MACF1: variants seen among roughly 807,000 people sequenced by gnomAD.
The protein encoded by MACF1 is microtubule-actin cross-linking factor 1.
Under a neutral mutation model 854.8 loss-of-function variants are expected in MACF1, and 193 were observed. That is an observed-to-expected ratio of 0.23 (90% CI 0.20 to 0.25). The LOEUF (loss-of-function observed/expected upper bound fraction) is 0.25, where lower values mean the gene tolerates loss of function less well. Ranked by LOEUF, MACF1 falls within the 10% of genes least tolerant of loss-of-function variation. MACF1 has a pLI of 1.00. For missense variants in MACF1, 7,722 were observed against 8,929.1 expected, an observed-to-expected ratio of 0.86 and a Z score of 5.45; for synonymous variants, 3,185 against 3,226.7, an observed-to-expected ratio of 0.99 and a Z score of 0.44.
chr1:39,102,891 T>C (rs1642129157), intron 2 of MACF1: 4 of 702,390 alleles, frequency 5.7e-6, no homozygotes, highest in African/African-American at 5.2e-5. Context: ...CTCCCCTTCA[T>C]AGACTTCCTT....
chr1:39,463,782 C>A, intron 94 of MACF1, 96 bp downstream of exon 94: 1 of 1,074,486 alleles, frequency 9.3e-7, no homozygotes, highest in Non-Finnish European at 1.4e-6. Flanking sequence ...CAGAGCCCAT[C>A]GGACTTGAGA....
chr1:39,101,458 G>A (rs985782372), intron 2 of MACF1, among the ~76,000 whole-genome samples: 13 of 151,348 alleles, frequency 8.6e-5, no homozygotes, highest in African/African-American at 2.7e-4. Flanking sequence ...TGAACTCCTG[G>A]GCTCAAGCAA....
intron 41 of MACF1, 128 bp downstream of exon 41, chr1:39,347,338 A>C: frequency 1.4e-6 from 1 of 718,834 alleles, no homozygotes; most frequent in South Asian, 1.6e-5. Flanking sequence ...ATTTCATGTC[A>C]TGCAGGCCAG....
At chr1:39,477,133 T>TACACACACACACAC (rs1243959585) in intron 97 of MACF1, among the ~76,000 whole-genome samples, 8 of 98,894 alleles carry the variant, frequency 8.1e-5, no homozygotes, top group African/African-American at 2.2e-4. Context: ...TATATATATA[T>TACACACACACACAC]ATACACACAC....
In MACF1 at chr1:39,347,225, G is replaced by T; in HGVS notation, c.10815+15G>T. 6.3e-7 allele frequency: 1 copy of T among 1,576,548 alleles called. No homozygotes were observed. The highest frequency in any genetic ancestry group is 8.7e-7 in the Non-Finnish European group (1 of 1,146,692). ...CCCTGGTGAAGGTCAGACTGAACCA[G>T]CAGCTGGGCTCAGTTTGTCTTTGGG... is the stretch of plus-strand genomic sequence containing the variant. On this transcript the variant is annotated intron_variant, in intron 41 of 100. Coordinates refer to ENST00000564288, the MANE Select transcript of MACF1 (RefSeq NM_001394062.1).
Position 39,135,696 on chromosome 1 carries a change from A to G in MACF1, c.220+51258A>G, listed in dbSNP as rs6661080. Among the ~76,000 whole-genome samples the G allele has an allele frequency of 8.7e-3, 1,325 of 152,252 alleles. 21 individuals are homozygous for G. Among genetic ancestry groups the G allele is most frequent in the African/African-American group, 0.03 (1,256 of 41,538 alleles). On this transcript the variant is annotated intron_variant, in intron 2 of 93. Transcript: ENST00000361689. The stretch of plus-strand genomic sequence containing the variant: ...ACCTATTTTGATAGGAGTCTGATGA[A>G]TGATGGACCTACTGAACCCTATACA...
intron 20 of MACF1, among the ~76,000 whole-genome samples, chr1:39,296,807 AAAGAAAGG>A (rs1324479589): frequency 1.2e-4 from 14 of 119,590 alleles, no homozygotes; most frequent in East Asian, 5.0e-4. Context: ...GAAGGAAAAG[AAAGAAAGG>A]AAGGAAGGAA....
chr1:39,101,387 T>A (rs1301918769), intron 2 of MACF1, among the ~76,000 whole-genome samples: 1 of 132,278 alleles, frequency 7.6e-6, no homozygotes, highest in Non-Finnish European at 1.6e-5. Flanking sequence ...TATATATATA[T>A]ATGTGTGTGT....
intron 1 of MACF1, among the ~76,000 whole-genome samples, chr1:39,208,639 T>G (rs1356408482): frequency 6.6e-6 from 1 of 151,984 alleles, no homozygotes; most frequent in Non-Finnish European, 1.5e-5. Context: ...TTATTTATTT[T>G]TTTGAGACAG....
At chr1:39,233,313 C>CG (rs1644807061) in intron 2 of MACF1, among the ~76,000 whole-genome samples, 1 of 152,146 alleles carries the variant, frequency 6.6e-6, no homozygotes, top group South Asian at 2.1e-4. Flanking sequence ...GGATTATAGG[C>CG]GTGAGCCACT....
chr1:39,403,910 C>T (rs917268914), intron 58 of MACF1, among the ~76,000 whole-genome samples: 2 of 152,056 alleles, frequency 1.3e-5, no homozygotes, highest in Non-Finnish European at 2.9e-5. Context: ...GGGCAGATCA[C>T]CTGAGGTCAG....
intron 2 of MACF1, among the ~76,000 whole-genome samples, chr1:39,167,634 A>C (rs948280205): frequency 2.0e-5 from 3 of 151,942 alleles, no homozygotes; most frequent in Admixed American, 2.0e-4. Context: ...TGAACCTGGG[A>C]GGCAGAGGTT....
At position 39,335,146 on chromosome 1, in the gene MACF1, G is replaced by GTA. The variant is rs745412724; in HGVS notation, c.8559_8560dup (p.Lys2854IlefsTer16). ...AAGGAATTTGGGTGCAAGGATCAAC[G>GTA]TAAGCCAAGAATGTCTTCAGATGCT... On this transcript the variant is annotated frameshift_variant, in exon 37 of 101. Transcript: ENST00000564288. LOFTEE classifies it high-confidence loss of function. 6.2e-7 allele frequency: 1 copy of GTA among 1,614,066 alleles called. No individual in the cohort carries two copies. The highest frequency in any genetic ancestry group is 1.1e-5 in the South Asian group (1 of 91,068).
intron 31 of MACF1, among the ~76,000 whole-genome samples, chr1:39,322,235 G>T (rs79262993): frequency 0.017 from 2,516 of 152,270 alleles, 76 homozygotes; most frequent in African/African-American, 0.058. Flanking sequence ...AGCAAACTAT[G>T]ACCCACAGGC....
chr1:39,482,514 G>T (rs376249160), intron 99 of MACF1, among the ~76,000 whole-genome samples: 1 of 93,190 alleles, frequency 1.1e-5, no homozygotes, highest in African/African-American at 3.7e-5. Context: ...GGGTTTTTTT[G>T]TTTGTTTGTT....
At chr1:39,423,181 A>G (rs994345106) in intron 60 of MACF1, among the ~76,000 whole-genome samples, 5 of 152,170 alleles carry the variant, frequency 3.3e-5, no homozygotes, top group African/African-American at 1.2e-4. Flanking sequence ...AGGGTCAGCA[A>G]TATTCTAAAT....
At position 39,334,904 on chromosome 1, in the gene MACF1, G is replaced by C; in HGVS notation, c.8316G>C (p.Gln2772His). The C allele has an allele frequency of 6.2e-7, 1 of 1,614,192 alleles. No homozygotes were observed. Among genetic ancestry groups the C allele is most frequent in the Non-Finnish European group, 8.5e-7 (1 of 1,180,010 alleles). The change falls in exon 37 of 101, where the codon CAG (glutamine) becomes CAC (histidine). Residue 2772 changes from glutamine to histidine, a missense_variant. By Grantham distance (24) the Gln-to-His change is conservative. This residue lies in a region of MACF1 where 1,531 missense variants were observed against 1,601.6 expected (regional missense o/e 0.96). Transcript: ENST00000564288. ...DSSEFSDHRA[Q>H]IEKQEGIEVC... ...CAGAGTTCAGCGATCACAGGGCTCA[G>C]ATTGAAAAGCAAGAAGGGATTGAAG...
intron 58 of MACF1, chr1:39,411,228 TGAG>T: frequency 6.2e-7 from 1 of 1,613,712 alleles, no homozygotes; most frequent in Non-Finnish European, 8.5e-7. Flanking sequence ...AGCTAAAGTT[TGAG>T]GAGGATGAGC....
At chr1:39,101,748 C>T (rs1297482226) in intron 2 of MACF1, among the ~76,000 whole-genome samples, 1 of 147,126 alleles carries the variant, frequency 6.8e-6, no homozygotes, top group Non-Finnish European at 1.5e-5. Flanking sequence ...GGCGTGAACC[C>T]GGGAGGTGGA....
Sources: gnomAD v4.1 joint callset for allele counts (sites outside exome capture counted in the v4.1 genomes callset) on GRCh38, gnomAD v4.1.1 for gene constraint, gnomAD v4.1.1 regional missense constraint, MANE v1.5 for transcripts, NCBI Gene and HGNC (gene_info 2026-07-23, HGNC 2026-07-21) for gene names.